NCBP3: variants seen among roughly 807,000 people sequenced by gnomAD.
The protein encoded by NCBP3 is nuclear cap binding subunit 3, also known as nuclear cap-binding protein subunit 3.
In NCBP3, 20 loss-of-function variants were observed where a neutral mutation model predicts 75.7. The observed-to-expected ratio is 0.26, with a 90% confidence interval of 0.19 to 0.38. NCBP3 has a LOEUF of 0.38. Among genes scored for constraint, NCBP3 ranks in the 10% least tolerant of loss-of-function variants. The pLI is 1.00. For missense variants in NCBP3, 678 were observed against 796.9 expected (o/e 0.85, Z 1.80); for synonymous variants, 293 against 290.5 (o/e 1.01, Z -0.09).
chr17:3,839,376 C>A (rs913752857), intron 3 of NCBP3, among the ~76,000 whole-genome samples: 2 of 152,040 alleles, frequency 1.3e-5, no homozygotes, highest in African/African-American at 4.8e-5. Flanking sequence ...AAGACAGAGT[C>A]TCGCTCTGTC....
intron 3 of NCBP3, among the ~76,000 whole-genome samples, chr17:3,830,047 T>C (rs889469017): frequency 5.3e-5 from 8 of 152,150 alleles, no homozygotes; most frequent in Admixed American, 5.2e-4. Context: ...TCGAGATATC[T>C]TACATCTTTT....
At position 3,802,456 on chromosome 17, in the gene NCBP3, G is replaced by A. The variant is rs1294249971; in HGVS notation, c.*10588C>T. ...ACTACTAGATCTTGCTCGGTTATGT[G>A]AGATTACAATTCACCGGTTTCCATC... On this transcript the variant is annotated 3_prime_UTR_variant, in exon 13 of 13. Transcript: ENST00000389005. The A allele has an allele frequency of 2.6e-5, 4 of 152,214 alleles. No homozygotes were observed. The highest frequency in any genetic ancestry group is 7.2e-5 in the African/African-American group (3 of 41,442). The allele number at this position is 152,214 out of a possible 1,614,324, so 9.4% of individuals were successfully genotyped here. A position where few individuals can be genotyped will look rare whatever the true frequency, so the allele number is the denominator to read the frequency against.
At chr17:3,841,594 T>TTC (rs1425655630) in intron 2 of NCBP3, among the ~76,000 whole-genome samples, 65 of 149,512 alleles carry the variant, frequency 4.3e-4, no homozygotes, top group Non-Finnish European at 6.1e-4. Context: ...AGATGACCAA[T>TTC]TCTCTCTCTT....
At chr17:3,834,670 G>C (rs2053944280) in intron 3 of NCBP3, among the ~76,000 whole-genome samples, 1 of 152,168 alleles carries the variant, frequency 6.6e-6, no homozygotes. Flanking sequence ...AGTACTTTGG[G>C]AAGCTAAGGC....
rs751538848 is a variant in NCBP3, at chr17:3,813,085, C to T, written c.1822G>A (p.Val608Ile). The change falls in exon 13 of 13, where the codon GTT becomes ATT. Residue 608 changes from valine (V) to isoleucine (I), a missense_variant. Physicochemically the swap from Val to Ile is conservative, Grantham distance 29. Around this residue, in one of 7 missense-constraint regions of NCBP3, gnomAD observed 365 missense variants for 392.7 expected, o/e 0.93. Transcript: ENST00000389005. ...LDNLPSLQIE[V>I]SRESSSGSEA... ...GAACCAGAGCTGCTTTCCCGACTAA[C>T]TTCAATCTGGAGAGATGGTAAGTTA... 2.5e-6 allele frequency: 4 copies of T among 1,614,212 alleles called. No homozygotes were observed. Among genetic ancestry groups the T allele is most frequent in the Non-Finnish European group, 3.4e-6 (4 of 1,180,038 alleles).
At chr17:3,845,034 T>C (rs2054136569) in intron 1 of NCBP3, among the ~76,000 whole-genome samples, 2 of 152,188 alleles carry the variant, frequency 1.3e-5, no homozygotes, top group Non-Finnish European at 2.9e-5. Context: ...GGTTTTGTTT[T>C]TGAGATGGGG....
chr17:3,814,876 C>T (rs935291909), intron 11 of NCBP3, among the ~76,000 whole-genome samples: 1 of 152,096 alleles, frequency 6.6e-6, no homozygotes, highest in African/African-American at 2.4e-5. Context: ...TACATTTAAC[C>T]AGTAAATATA....
chr17:3,829,069 C>T (rs1279576022), intron 4 of NCBP3, among the ~76,000 whole-genome samples, 174 bp downstream of exon 4: 2 of 152,200 alleles, frequency 1.3e-5, no homozygotes, highest in Admixed American at 1.3e-4. Flanking sequence ...AGCTGGCAGA[C>T]TGGCAAGGGC....
chr17:3,830,973 G>A (rs2053867689), intron 3 of NCBP3, among the ~76,000 whole-genome samples: 1 of 147,816 alleles, frequency 6.8e-6, no homozygotes, highest in South Asian at 2.2e-4. Flanking sequence ...ATGCAATGGT[G>A]CAATCTCGGC....
chr17:3,821,081 C>G (rs555229911), intron 9 of NCBP3, among the ~76,000 whole-genome samples, 168 bp downstream of exon 9: 1 of 152,126 alleles, frequency 6.6e-6, no homozygotes, highest in East Asian at 1.9e-4. Flanking sequence ...CCTCTTTGGG[C>G]AACTTAAAAT....
intron 11 of NCBP3, 69 bp from the exon 12 acceptor site, chr17:3,814,552 C>T: frequency 2.0e-5 from 31 of 1,542,146 alleles, no homozygotes; most frequent in Non-Finnish European, 2.7e-5. Context: ...CCGCCTGACA[C>T]CTCTAACGGA....
chr17:3,817,925 A>G (rs1399258799), intron 10 of NCBP3, among the ~76,000 whole-genome samples: 2 of 152,128 alleles, frequency 1.3e-5, no homozygotes, highest in Admixed American at 6.5e-5. Context: ...TATAAAAAGT[A>G]TACTTTTATA....
intron 4 of NCBP3, among the ~76,000 whole-genome samples, chr17:3,826,676 G>C (rs2053790289): frequency 2.0e-5 from 3 of 146,884 alleles, no homozygotes; most frequent in African/African-American, 7.9e-5. Context: ...AAGAAAGAAA[G>C]AGAAAGAGAG....
intron 7 of NCBP3, chr17:3,822,407 T>C (rs2053685113): frequency 5.8e-6 from 1 of 172,014 alleles, no homozygotes; most frequent in African/African-American, 2.4e-5. Flanking sequence ...AGTGGCATTT[T>C]TGCCACCCCA....
intron 2 of NCBP3, among the ~76,000 whole-genome samples, chr17:3,842,083 G>A (rs2054074418): frequency 6.6e-6 from 1 of 152,092 alleles, no homozygotes; most frequent in East Asian, 1.9e-4. Flanking sequence ...TACAATGAAG[G>A]TGGTAATCTG....
At position 3,809,805 on chromosome 17, in the gene NCBP3, A is replaced by C. The variant is rs1319869546; in HGVS notation, c.*3239T>G. On this transcript the variant is annotated 3_prime_UTR_variant, in exon 13 of 13. Transcript: ENST00000389005. Reference sequence around the variant, plus strand: ...ATGTGGATTAAAAAAAAGGTGGCATACCCATAAAATGGACTATTATTTGGC... The same window carrying C: ...ATGTGGATTAAAAAAAAGGTGGCATCCCCATAAAATGGACTATTATTTGGC... 2.6e-5 allele frequency: 4 copies of C among 152,258 alleles called. No individual in the cohort carries two copies. Among genetic ancestry groups the C allele is most frequent in the Non-Finnish European group, 5.9e-5 (4 of 68,052 alleles). The allele number at this position is 152,258 out of a possible 1,614,324, so 9.4% of individuals were successfully genotyped here. A position where few individuals can be genotyped will look rare whatever the true frequency, so the allele number is the denominator to read the frequency against.
chr17:3,821,219 T>G (rs111475722), intron 9 of NCBP3, 30 bp downstream of exon 9: 1 of 1,491,616 alleles, frequency 6.7e-7, no homozygotes, highest in Non-Finnish European at 9.4e-7. Flanking sequence ...GCCAAACATG[T>G]GTCTACCCAA....
intron 9 of NCBP3, among the ~76,000 whole-genome samples, chr17:3,820,072 G>A (rs2053633783): frequency 6.6e-6 from 1 of 152,136 alleles, no homozygotes; most frequent in Non-Finnish European, 1.5e-5. Flanking sequence ...AGCCTCCCAA[G>A]TAGCTGGGAC....
chr17:3,844,781 C>T (rs1268941110), intron 1 of NCBP3, among the ~76,000 whole-genome samples: 2 of 152,068 alleles, frequency 1.3e-5, no homozygotes, highest in East Asian at 1.9e-4. Flanking sequence ...ACCCAGGAGG[C>T]GGAGGTTGCG....
Sources: allele counts gnomAD v4.1 joint callset (sites outside exome capture counted in the v4.1 genomes callset), GRCh38; gene constraint gnomAD v4.1.1; regional missense constraint gnomAD v4.1.1; transcripts MANE v1.5; gene names NCBI Gene and HGNC (gene_info 2026-07-23, HGNC 2026-07-21).